CACNA1C: variants seen among roughly 807,000 people sequenced by gnomAD.
The protein encoded by CACNA1C is voltage-dependent L-type calcium channel subunit alpha-1C.
In CACNA1C, 30 loss-of-function variants were observed where a neutral mutation model predicts 229.0. The observed-to-expected ratio is 0.13, with a 90% CI of 0.10 to 0.18. The LOEUF (loss-of-function observed/expected upper bound fraction) is 0.18. CACNA1C is among the 10% of genes least tolerant of loss of function. The probability of loss-of-function intolerance (pLI) is 1.00; values close to 1 mark genes in which losing one functional copy is unlikely to be tolerated. For missense variants in CACNA1C, 1,658 were observed against 2,845.0 expected (o/e 0.58, Z 9.49); for synonymous variants, 1,114 against 1,132.5 (o/e 0.98, Z 0.33).
At chr12:2,044,849 T>C (rs1459274868) in intron 1 of CACNA1C, among the ~76,000 whole-genome samples, 1 of 152,242 alleles carries the variant, frequency 6.6e-6, no homozygotes, top group African/African-American at 2.4e-5. Context: ...TGCATAACCC[T>C]AGTCTCGCAT....
Position 2,407,806 on chromosome 12 carries a change from G to A in CACNA1C, c.478-41170G>A, listed in dbSNP as rs186976652. 1.9e-4 allele frequency among the ~76,000 whole-genome samples: 29 copies of A among 152,312 alleles called. No homozygotes were observed. In the East Asian group the frequency reaches 5.4e-3, roughly 28 times the overall value. ...CATTTCCCTAATGACTAGTGATGTC[G>A]AGCATCTTTTCATGTGCATATTGGC... is the stretch of plus-strand genomic sequence containing the variant. On this transcript the variant is annotated intron_variant, in intron 3 of 46. Transcript: ENST00000399655.
chr12:2,235,407 G>A (rs1020032958), intron 3 of CACNA1C, among the ~76,000 whole-genome samples: 1 of 152,172 alleles, frequency 6.6e-6, no homozygotes, highest in African/African-American at 2.4e-5. Flanking sequence ...ACCCTGATGT[G>A]GCAGGACGAG....
At chr12:2,676,875 AG>A in intron 39 of CACNA1C, 1 of 419,346 alleles carries the variant, frequency 2.4e-6, no homozygotes, top group East Asian at 3.9e-5. Flanking sequence ...GATCTACAGG[AG>A]GTGGTGACTA....
chr12:2,278,557 A>G (rs2089854565), intron 3 of CACNA1C, among the ~76,000 whole-genome samples: 1 of 152,170 alleles, frequency 6.6e-6, no homozygotes, highest in Non-Finnish European at 1.5e-5. Flanking sequence ...AGGTTTACAC[A>G]TGTCTCTGGA....
chr12:2,357,503 T>C (rs971657910), intron 3 of CACNA1C, among the ~76,000 whole-genome samples: 6 of 152,122 alleles, frequency 3.9e-5, no homozygotes, highest in Admixed American at 3.9e-4. Flanking sequence ...TTCCCTCTTC[T>C]CAAGGTGAGT....
At chr12:2,060,860 C>G (rs1250180351) in intron 1 of CACNA1C, among the ~76,000 whole-genome samples, 1 of 152,230 alleles carries the variant, frequency 6.6e-6, no homozygotes, top group Non-Finnish European at 1.5e-5. Context: ...ATGTTCTTCT[C>G]CATATTGCCT....
At chr12:2,372,987 G>GTGT (rs1448072470) in intron 3 of CACNA1C, among the ~76,000 whole-genome samples, 1 of 152,266 alleles carries the variant, frequency 6.6e-6, no homozygotes, top group African/African-American at 2.4e-5. Flanking sequence ...GGAATGCACG[G>GTGT]TGTTGGCTTC....
In CACNA1C at chr12:2,053,659, CG is replaced by C. The variant is rs1565396778; in HGVS notation, c.49+51del. On this transcript the variant is annotated intron_variant, in intron 1 of 46. Transcript: ENST00000399655. The surrounding 1 kb of genome is among the most constrained non-coding windows in gnomAD (Gnocchi z 5.8). ...CGCCGGGGCTCCCTGCCTTTTCCAC[CG>C]GGTTCCTGCCCTACCCGCGCTCCCC... is the stretch of plus-strand genomic sequence containing the variant. 2 of 1,409,190 alleles carry C rather than the reference CG, an allele frequency of 1.4e-6. No individual in the cohort carries two copies. Among genetic ancestry groups the C allele is most frequent in the Non-Finnish European group, 1.9e-6 (2 of 1,061,516 alleles). The allele number at this position is 1,409,190 out of a possible 1,614,324, so 87.3% of individuals were successfully genotyped here.
At chr12:2,084,933 G>T (rs1163566980) in intron 1 of CACNA1C, among the ~76,000 whole-genome samples, 1 of 152,148 alleles carries the variant, frequency 6.6e-6, no homozygotes, top group Non-Finnish European at 1.5e-5. Context: ...GTTTCAGCTT[G>T]TTGAGGTCAT....
At chr12:2,430,140 T>C (rs2099068473) in intron 3 of CACNA1C, among the ~76,000 whole-genome samples, 1 of 152,132 alleles carries the variant, frequency 6.6e-6, no homozygotes, top group Non-Finnish European at 1.5e-5. Flanking sequence ...CCTGGGTCTC[T>C]GGTATAACAG....
chr12:2,120,160 A>G (rs2085917307), intron 2 of CACNA1C, among the ~76,000 whole-genome samples, 165 bp from the exon 3 acceptor site: 1 of 152,238 alleles, frequency 6.6e-6, no homozygotes, highest in Admixed American at 6.5e-5. Context: ...GACCCACTAG[A>G]AGCACTTAAA....
chr12:2,330,536 G>A (rs1303501479), intron 3 of CACNA1C, among the ~76,000 whole-genome samples: 1 of 152,186 alleles, frequency 6.6e-6, no homozygotes, highest in Non-Finnish European at 1.5e-5. Context: ...GGGAAAGCTG[G>A]CGACTTGATT....
chr12:2,200,713 G>A (rs531203831), intron 3 of CACNA1C, among the ~76,000 whole-genome samples: 2 of 152,312 alleles, frequency 1.3e-5, no homozygotes, highest in East Asian at 1.9e-4. Context: ...AGAATGTTGC[G>A]ATGGTAGCTG....
chr12:1,980,880 G>A (rs1022482532), intron 1 of CACNA1C, among the ~76,000 whole-genome samples: 2 of 151,892 alleles, frequency 1.3e-5, no homozygotes, highest in Non-Finnish European at 2.9e-5. Context: ...TTAACACAGT[G>A]AATAAACTTC....
chr12:2,325,162 G>T (rs2096234392), intron 3 of CACNA1C, among the ~76,000 whole-genome samples: 1 of 152,150 alleles, frequency 6.6e-6, no homozygotes, highest in African/African-American at 2.4e-5. Flanking sequence ...CATCTCCTAT[G>T]CTCTGTGTGT....
chr12:2,542,672 A>G (rs2099873745), intron 9 of CACNA1C, among the ~76,000 whole-genome samples: 1 of 152,210 alleles, frequency 6.6e-6, no homozygotes, highest in Non-Finnish European at 1.5e-5. Context: ...TCAAGAGATT[A>G]TTCCAGGGAG....
intron 4 of CACNA1C, among the ~76,000 whole-genome samples, chr12:2,455,802 G>A (rs541519048): frequency 2.6e-5 from 4 of 152,234 alleles, no homozygotes; most frequent in African/African-American, 7.2e-5. Flanking sequence ...ATGGGGCGCC[G>A]TTCTCTCCAT....
intron 3 of CACNA1C, among the ~76,000 whole-genome samples, chr12:2,216,123 TA>T (rs553031832): frequency 9.2e-5 from 14 of 152,062 alleles, no homozygotes; most frequent in Non-Finnish European, 1.9e-4. Flanking sequence ...GCACGCCAAT[TA>T]ACTAGCTGGG....
chr12:1,996,653 A>AAC (rs2040958167), intron 1 of CACNA1C, among the ~76,000 whole-genome samples: 2 of 36,646 alleles, frequency 5.5e-5, no homozygotes, highest in Non-Finnish European at 1.0e-4. Flanking sequence ...AAAAAAAAAA[A>AAC]AACAACAAAC....
Sources: allele counts gnomAD v4.1 joint callset (sites outside exome capture counted in the v4.1 genomes callset), GRCh38; gene constraint gnomAD v4.1.1; non-coding constraint Gnocchi (gnomAD v3.1); transcripts MANE v1.5; gene names NCBI Gene and HGNC (gene_info 2026-07-23, HGNC 2026-07-21).